Variants in IFI16 observed in about 807,000 individuals in gnomAD.
IFI16 encodes the protein interferon gamma inducible protein 16.
Under a neutral mutation model 68.4 loss-of-function variants are expected in IFI16, and 49 were observed. That is an observed-to-expected ratio of 0.72 (90% CI 0.57 to 0.91). The LOEUF is 0.91. IFI16 is among the 40% of genes least tolerant of loss of function. The probability of loss-of-function intolerance (pLI) is 0.00; values close to 1 mark genes in which losing one functional copy is unlikely to be tolerated. For missense variants in IFI16, 878 were observed against 942.9 expected, an observed-to-expected ratio of 0.93 and a Z score of 0.90; for synonymous variants, 307 against 315.0, an observed-to-expected ratio of 0.97 and a Z score of 0.27.
chr1:159,054,983 C>T lies in IFI16; in HGVS notation c.*82C>T, dbSNP rs1288200564. On this transcript the variant is annotated 3_prime_UTR_variant, in exon 12 of 12. Transcript: ENST00000295809. ...AATGTACATATACCTGGTTGAAATACAACACTATACATACACACCACCATA... is the reference window on the plus strand; with the variant it reads ...AATGTACATATACCTGGTTGAAATATAACACTATACATACACACCACCATA... The T allele has an allele frequency of 8.6e-6, 6 of 700,050 alleles. No individual in the cohort carries two copies. In the African/African-American group the frequency reaches 1.1e-4, roughly 12 times the overall value. 43.4% of individuals were successfully genotyped at this position (700,050 alleles called of 1,614,324 possible). A position where few individuals can be genotyped will look rare whatever the true frequency, so the allele number is the denominator to read the frequency against.
intron 7 of IFI16, among the ~76,000 whole-genome samples, chr1:159,033,638 A>T (rs1290749045): frequency 6.6e-6 from 1 of 152,186 alleles, no homozygotes. Context: ...AGAAAATTAG[A>T]GTCATGATTC....
At chr1:159,029,182 C>T (rs896118449) in intron 6 of IFI16, among the ~76,000 whole-genome samples, 1 of 152,150 alleles carries the variant, frequency 6.6e-6, no homozygotes, top group Non-Finnish European at 1.5e-5. Context: ...TCTTGTAATG[C>T]TGGCTTGGTA....
intron 6 of IFI16, among the ~76,000 whole-genome samples, chr1:159,021,648 T>A (rs969491248): frequency 3.3e-5 from 5 of 152,144 alleles, no homozygotes; most frequent in African/African-American, 1.2e-4. Context: ...AAATGGTAGA[T>A]CTGCTTTTTA....
chr1:159,053,849 T>C, intron 11 of IFI16, 125 bp downstream of exon 11: 1 of 635,568 alleles, frequency 1.6e-6, no homozygotes, highest in Non-Finnish European at 2.6e-6. Flanking sequence ...CCTTGCACTT[T>C]ACTGGGTGTA....
Position 159,014,665 on chromosome 1 carries a change from A to G in IFI16, c.-16A>G. The G allele has an allele frequency of 6.3e-7, 1 of 1,576,718 alleles. No individual in the cohort carries two copies. Among genetic ancestry groups the G allele is most frequent in the Non-Finnish European group, 8.6e-7 (1 of 1,159,942 alleles). On this transcript the variant is annotated 5_prime_UTR_variant, in exon 2 of 12. Transcript: ENST00000295809. ...ATATACCATTTTCTCTTGTAGGCTCACTTATGTCTGTAAAGATGGGAAAAA... is the reference window on the plus strand; with the variant it reads ...ATATACCATTTTCTCTTGTAGGCTCGCTTATGTCTGTAAAGATGGGAAAAA...
upstream of IFI16, among the ~76,000 whole-genome samples, chr1:159,001,327 T>G (rs550030993): frequency 6.6e-6 from 1 of 152,314 alleles, no homozygotes; most frequent in East Asian, 1.9e-4. Context: ...AGAAAGGATG[T>G]TTATGAGCTG....
intron 8 of IFI16, among the ~76,000 whole-genome samples, chr1:159,047,002 C>T (rs1415399795): frequency 2.2e-5 from 3 of 139,288 alleles, no homozygotes; most frequent in African/African-American, 8.3e-5. Flanking sequence ...GCCTTTTGTT[C>T]TGCCCTGATA....
intron 2 of IFI16, chr1:159,015,625 G>A: frequency 5.6e-6 from 2 of 355,960 alleles, no homozygotes; most frequent in Non-Finnish European, 1.0e-5. Context: ...GGAAGCATGT[G>A]CTCAGTGCAC....
Position 159,055,009 on chromosome 1 carries a change from T to C in IFI16, c.*108T>C, listed in dbSNP as rs1655598111. ...AACACTATACATACACACCACCATA[T>C]ATACTAGCTGTTAATCCTATGGAAT... On this transcript the variant is annotated 3_prime_UTR_variant, in exon 12 of 12. Coordinates refer to ENST00000295809, the MANE Select transcript of IFI16 (RefSeq NM_001376587.1). 5.9e-6 allele frequency: 3 copies of C among 505,066 alleles called. No individual in the cohort carries two copies. Among genetic ancestry groups the C allele is most frequent in the Middle Eastern group, 5.3e-4 (1 of 1,900 alleles). The allele number at this position is 505,066 out of a possible 1,614,324, so 31.3% of individuals were successfully genotyped here. A position where few individuals can be genotyped will look rare whatever the true frequency, so the allele number is the denominator to read the frequency against.
At chr1:159,034,050 A>G (rs956896421) in intron 7 of IFI16, among the ~76,000 whole-genome samples, 23 of 152,232 alleles carry the variant, frequency 1.5e-4, no homozygotes, top group African/African-American at 5.3e-4. Context: ...GGTAATGCCA[A>G]GGTAAGTTCT....
intron 8 of IFI16, among the ~76,000 whole-genome samples, chr1:159,045,708 A>T (rs1190400235): frequency 1.3e-5 from 2 of 151,082 alleles, no homozygotes; most frequent in East Asian, 3.9e-4. Context: ...CTTTTGGCTT[A>T]CCTTTTTGTT....
intron 7 of IFI16, among the ~76,000 whole-genome samples, chr1:159,036,320 C>T (rs890490359): frequency 1.3e-5 from 2 of 152,166 alleles, no homozygotes; most frequent in Non-Finnish European, 2.9e-5. Flanking sequence ...TTCACAAAGA[C>T]AGTGAGTGTG....
chr1:159,015,973 A>ACT lies in IFI16; in HGVS notation c.369_370dup (p.Pro124LeufsTer71). On this transcript the variant is annotated frameshift_variant, in exon 3 of 12. Coordinates refer to ENST00000295809, the MANE Select transcript of IFI16 (RefSeq NM_001376587.1). LOFTEE classifies it high-confidence loss of function. ...TGTCAAAACTGAAGGAGCAGAGGCA[A>ACT]CTCCTGGAGCTCAGGTAAGCTTCAG... 6.2e-7 allele frequency: 1 copy of ACT among 1,612,942 alleles called. No individual in the cohort carries two copies. The highest frequency in any genetic ancestry group is 8.5e-7 in the Non-Finnish European group (1 of 1,179,054).
chr1:159,020,796 A>C (rs1653261660), intron 6 of IFI16, among the ~76,000 whole-genome samples: 1 of 152,000 alleles, frequency 6.6e-6, no homozygotes, highest in African/African-American at 2.4e-5. Flanking sequence ...AAGTGATTGT[A>C]GGGTTGGGAT....
At chr1:159,024,301 C>T (rs1414102459) in intron 6 of IFI16, among the ~76,000 whole-genome samples, 1 of 151,996 alleles carries the variant, frequency 6.6e-6, no homozygotes, top group African/African-American at 2.4e-5. Flanking sequence ...GGGAATAATG[C>T]GTGTTTTAAA....
At chr1:159,015,131 G>A (rs1391970490) in intron 2 of IFI16, among the ~76,000 whole-genome samples, 186 bp downstream of exon 2, 1 of 152,152 alleles carries the variant, frequency 6.6e-6, no homozygotes, top group Admixed American at 6.5e-5. Flanking sequence ...TACTGGTGTA[G>A]ATTGAAGTAT....
intron 6 of IFI16, among the ~76,000 whole-genome samples, chr1:159,027,245 G>A (rs1557870632): frequency 6.6e-6 from 1 of 152,072 alleles, no homozygotes; most frequent in Admixed American, 6.6e-5. Context: ...AGTGATGCTG[G>A]ATTTTGTCAA....
chr1:159,054,292 C>A (rs1456938343), intron 11 of IFI16, among the ~76,000 whole-genome samples: 1 of 152,180 alleles, frequency 6.6e-6, no homozygotes, highest in East Asian at 1.9e-4. Flanking sequence ...CACACTGACC[C>A]ATACATTCAT....
chr1:159,043,121 T>C (rs1654769793), intron 7 of IFI16, among the ~76,000 whole-genome samples: 2 of 152,212 alleles, frequency 1.3e-5, no homozygotes, highest in African/African-American at 4.8e-5. Context: ...GTCATTTTTT[T>C]GGTTATTAAT....
Sources: allele counts gnomAD v4.1 joint callset (sites outside exome capture counted in the v4.1 genomes callset), GRCh38; gene constraint gnomAD v4.1.1; transcripts MANE v1.5; gene names NCBI Gene and HGNC (gene_info 2026-07-23, HGNC 2026-07-21).